ELAVL4: variants seen among roughly 807,000 people sequenced by gnomAD.
ELAVL4 encodes the protein ELAV-like protein 4.
A neutral mutation model predicts 35.6 loss-of-function variants in ELAVL4; 1 was observed. That is an observed-to-expected ratio of 0.03 (90% CI 0.01 to 0.13). The LOEUF (loss-of-function observed/expected upper bound fraction) is 0.13, where lower values mean the gene tolerates loss of function less well. ELAVL4 is among the 10% of genes least tolerant of loss of function. The pLI is 1.00. For missense variants in ELAVL4, 267 were observed against 464.9 expected (o/e 0.57, Z 3.91); for synonymous variants, 156 against 171.0 (o/e 0.91, Z 0.69).
chr1:50,131,600 C>T (rs1164406450), intron 1 of ELAVL4, among the ~76,000 whole-genome samples: 1 of 151,908 alleles, frequency 6.6e-6, no homozygotes, highest in Non-Finnish European at 1.5e-5. Context: ...CCATCCTAGC[C>T]AACATGGTGA....
chr1:50,189,377 A>G (rs539051504), intron 3 of ELAVL4, among the ~76,000 whole-genome samples: 22 of 152,256 alleles, frequency 1.4e-4, no homozygotes, highest in Admixed American at 6.5e-5. Context: ...CCCATCTGTG[A>G]TGAATGACAA....
chr1:50,113,914 T>C (rs1667509700), intron 1 of ELAVL4, among the ~76,000 whole-genome samples: 2 of 152,116 alleles, frequency 1.3e-5, no homozygotes, highest in African/African-American at 4.8e-5. Context: ...TAAACATGTA[T>C]ACACACTTAC....
intron 1 of ELAVL4, among the ~76,000 whole-genome samples, chr1:50,118,441 T>G (rs1046008981): frequency 1.3e-5 from 2 of 151,812 alleles, no homozygotes; most frequent in African/African-American, 4.8e-5. Flanking sequence ...TGAAGAGATG[T>G]GCAGGATGTC....
chr1:50,074,252 G>C (rs1454702876), intron 1 of ELAVL4, among the ~76,000 whole-genome samples: 1 of 152,174 alleles, frequency 6.6e-6, no homozygotes, highest in African/African-American at 2.4e-5. Context: ...TGAGGAGCCA[G>C]TCTCTGACCG....
intron 1 of ELAVL4, among the ~76,000 whole-genome samples, chr1:50,083,614 G>T (rs1178583736): frequency 1.3e-5 from 2 of 152,090 alleles, no homozygotes; most frequent in Non-Finnish European, 2.9e-5. Flanking sequence ...TAGTTTTGTT[G>T]TCATTAAACA....
At chr1:50,101,090 T>G (rs184030437), upstream of ELAVL4, among the ~76,000 whole-genome samples, 11 of 152,140 alleles carry the variant, frequency 7.2e-5, no homozygotes, top group Non-Finnish European at 4.4e-5. Context: ...CATTTTTCCC[T>G]AAGGAGATGT....
At chr1:50,178,329 G>A (rs986293566) in intron 3 of ELAVL4, among the ~76,000 whole-genome samples, 1 of 152,200 alleles carries the variant, frequency 6.6e-6, no homozygotes. Context: ...GAACTTTTTA[G>A]TCCAACAAAG....
chr1:50,108,289 C>A (rs1299359364), upstream of ELAVL4, among the ~76,000 whole-genome samples: 1 of 152,046 alleles, frequency 6.6e-6, no homozygotes. Context: ...CTTGTATGAA[C>A]CTAGTTCACG....
At chr1:50,062,121 T>G (rs995462948) in intron 1 of ELAVL4, among the ~76,000 whole-genome samples, 34 of 152,194 alleles carry the variant, frequency 2.2e-4, no homozygotes, top group African/African-American at 7.7e-4. Flanking sequence ...TTCATCCAGT[T>G]AAGTATCCTT....
At chr1:50,072,677 A>G (rs1664585398) in intron 1 of ELAVL4, among the ~76,000 whole-genome samples, 1 of 152,214 alleles carries the variant, frequency 6.6e-6, no homozygotes, top group South Asian at 2.1e-4. Context: ...ACTGCTGGGA[A>G]TGACATAAAT....
chr1:50,158,930 C>T (rs745401328), intron 2 of ELAVL4, among the ~76,000 whole-genome samples: 80 of 151,064 alleles, frequency 5.3e-4, no homozygotes, highest in Non-Finnish European at 9.6e-4. Context: ...CCCAGCTATT[C>T]GGGAGGCTGA....
At chr1:50,152,277 A>G (rs1160274963) in intron 2 of ELAVL4, among the ~76,000 whole-genome samples, 1 of 152,152 alleles carries the variant, frequency 6.6e-6, no homozygotes, top group Non-Finnish European at 1.5e-5. Flanking sequence ...ATCCCAGAAG[A>G]GATGTCTCAA....
intron 1 of ELAVL4, among the ~76,000 whole-genome samples, chr1:50,094,983 A>G (rs1043537255): frequency 4.6e-5 from 7 of 152,132 alleles, no homozygotes; most frequent in Admixed American, 6.6e-5. Flanking sequence ...TTAATTGTGA[A>G]GCATTCAGGT....
chr1:50,174,654 C>G (rs1679668798), intron 2 of ELAVL4: 1 of 152,168 alleles, frequency 6.6e-6, no homozygotes, highest in Non-Finnish European at 1.5e-5. Flanking sequence ...CATGATACAT[C>G]TTGCTGGGCA....
chr1:50,103,146 T>A (rs1463607847), upstream of ELAVL4, among the ~76,000 whole-genome samples: 2 of 152,194 alleles, frequency 1.3e-5, no homozygotes, highest in Admixed American at 6.5e-5. Flanking sequence ...TACTCTTAGG[T>A]CCATTTACCT....
intron 3 of ELAVL4, among the ~76,000 whole-genome samples, chr1:50,185,904 T>A (rs1196603176): frequency 6.6e-6 from 1 of 152,152 alleles, no homozygotes; most frequent in Non-Finnish European, 1.5e-5. Context: ...AGCCAGGAGT[T>A]GCAGTCTAGT....
chr1:50,112,367 A>T (rs556944937), intron 1 of ELAVL4, among the ~76,000 whole-genome samples: 22 of 152,222 alleles, frequency 1.4e-4, no homozygotes, highest in Admixed American at 8.5e-4. Context: ...TGGGTTGTAA[A>T]AAAGACACGT....
intron 1 of ELAVL4, among the ~76,000 whole-genome samples, chr1:50,125,830 C>T (rs1329532833): frequency 6.6e-6 from 1 of 151,984 alleles, no homozygotes; most frequent in Non-Finnish European, 1.5e-5. Context: ...GAGTGTTCTG[C>T]TGGTTAAGGG....
At chr1:50,091,803 C>G (rs1665507400) in intron 1 of ELAVL4, among the ~76,000 whole-genome samples, 4 of 152,154 alleles carry the variant, frequency 2.6e-5, no homozygotes, top group Non-Finnish European at 5.9e-5. Flanking sequence ...AATCCCCAGC[C>G]ATTGTAGTGT....
Sources: allele counts gnomAD v4.1 joint callset (sites outside exome capture counted in the v4.1 genomes callset), GRCh38; gene constraint gnomAD v4.1.1; transcripts MANE v1.5; gene names NCBI Gene and HGNC (gene_info 2026-07-23, HGNC 2026-07-21).